Variants in SPPL3 observed in about 807,000 individuals in gnomAD.
SPPL3 encodes the protein signal peptide peptidase like 3.
In SPPL3, 5 loss-of-function variants were observed where a neutral mutation model predicts 42.4. The ratio of observed to expected loss-of-function variants is 0.12; its 90% CI spans 0.06 to 0.25. The LOEUF is 0.25. Among genes scored for constraint, SPPL3 ranks in the 10% least tolerant of loss-of-function variants. SPPL3 has a pLI of 1.00. For synonymous variants in SPPL3, 195 were observed against 181.8 expected, an observed-to-expected ratio of 1.07 and a Z score of -0.58; for missense variants, 235 against 489.0, an observed-to-expected ratio of 0.48 and a Z score of 4.90.
At chr12:120,829,445 A>C (rs1011116386) in intron 1 of SPPL3, among the ~76,000 whole-genome samples, 5 of 151,932 alleles carry the variant, frequency 3.3e-5, no homozygotes, top group African/African-American at 1.2e-4. Context: ...AAAATACAAA[A>C]ATTAGCCCGG....
At chr12:120,791,840 AG>A in intron 2 of SPPL3, 1 of 328,950 alleles carries the variant, frequency 3.0e-6, no homozygotes. Context: ...TTATGATAAA[AG>A]CCTAGAAGGA....
intron 1 of SPPL3, among the ~76,000 whole-genome samples, chr12:120,846,603 G>C (rs1236449641): frequency 6.6e-6 from 1 of 152,158 alleles, no homozygotes; most frequent in African/African-American, 2.4e-5. Flanking sequence ...TGCTATTTAA[G>C]AGTGGAAAGA....
chr12:120,887,216 G>C (rs546849996), intron 1 of SPPL3, among the ~76,000 whole-genome samples: 2 of 152,148 alleles, frequency 1.3e-5, no homozygotes, highest in South Asian at 2.1e-4. Flanking sequence ...TCAAAGTGCT[G>C]GGATTACAGG....
At chr12:120,841,167 A>T (rs1871815696) in intron 1 of SPPL3, among the ~76,000 whole-genome samples, 1 of 151,942 alleles carries the variant, frequency 6.6e-6, no homozygotes, top group Admixed American at 6.6e-5. Context: ...CTCTACTAAA[A>T]ATACAAAATT....
intron 1 of SPPL3, among the ~76,000 whole-genome samples, chr12:120,827,625 C>T (rs1871268324): frequency 6.6e-6 from 1 of 152,086 alleles, no homozygotes; most frequent in African/African-American, 2.4e-5. Context: ...AGAGGTCATG[C>T]TTTAAACCAT....
At chr12:120,846,743 G>A (rs1002314917) in intron 1 of SPPL3, among the ~76,000 whole-genome samples, 1 of 152,338 alleles carries the variant, frequency 6.6e-6, no homozygotes, top group South Asian at 2.1e-4. Flanking sequence ...TGGCAAAATG[G>A]AATAGAAGTA....
intron 1 of SPPL3, among the ~76,000 whole-genome samples, chr12:120,862,360 C>T (rs1872637966): frequency 6.6e-6 from 1 of 152,098 alleles, no homozygotes; most frequent in South Asian, 2.1e-4. Flanking sequence ...CCAAAGGTGT[C>T]ACAGGCCCTG....
At chr12:120,775,457 T>C (rs1431703617) in intron 6 of SPPL3, among the ~76,000 whole-genome samples, 1 of 152,196 alleles carries the variant, frequency 6.6e-6, no homozygotes, top group Non-Finnish European at 1.5e-5. Context: ...CGGTTGAGTG[T>C]AGCATTTTAA....
chr12:120,890,237 G>T lies in SPPL3; in HGVS notation c.23+13608C>A, dbSNP rs567604427. ...GCACTCCAGCCTGGACAACAAAAGC[G>T]AAATTCCATCCCAAAAAAATAAAAT... On this transcript the variant is annotated intron_variant, in intron 1 of 10. Transcript: ENST00000353487. Among the ~76,000 whole-genome samples, 49 of 150,842 alleles carry T rather than the reference G, an allele frequency of 3.2e-4. No homozygotes were observed. In the South Asian group the frequency reaches 6.7e-3, roughly 21 times the overall value.
intron 1 of SPPL3, among the ~76,000 whole-genome samples, chr12:120,867,935 C>CG (rs1872806399): frequency 6.6e-6 from 1 of 151,782 alleles, no homozygotes; most frequent in Non-Finnish European, 1.5e-5. Flanking sequence ...TTTGTAGAGA[C>CG]GGGGTTTCAC....
chr12:120,844,284 C>T (rs1351229854), intron 1 of SPPL3, among the ~76,000 whole-genome samples: 1 of 152,210 alleles, frequency 6.6e-6, no homozygotes, highest in African/African-American at 2.4e-5. Flanking sequence ...AACCCTTCCA[C>T]TTCTGTTTCC....
At chr12:120,809,487 G>A (rs1870610773) in intron 2 of SPPL3, among the ~76,000 whole-genome samples, 1 of 152,138 alleles carries the variant, frequency 6.6e-6, no homozygotes, top group Non-Finnish European at 1.5e-5. Flanking sequence ...ATATAACACT[G>A]CATAGTTAAA....
intron 1 of SPPL3, among the ~76,000 whole-genome samples, chr12:120,876,326 T>G (rs1873084428): frequency 6.6e-6 from 1 of 151,842 alleles, no homozygotes. Context: ...TATTTTGACT[T>G]GAATGGGCCA....
At chr12:120,852,329 TATTA>T (rs1270601085) in intron 1 of SPPL3, among the ~76,000 whole-genome samples, 2 of 146,504 alleles carry the variant, frequency 1.4e-5, no homozygotes, top group African/African-American at 5.0e-5. Context: ...TAATCATATA[TATTA>T]ATTTATATAT....
At chr12:120,796,028 C>T (rs1566044201) in intron 2 of SPPL3, among the ~76,000 whole-genome samples, 1 of 152,162 alleles carries the variant, frequency 6.6e-6, no homozygotes, top group Non-Finnish European at 1.5e-5. Context: ...GTGTATTTTT[C>T]ATCTCAGACA....
chr12:120,805,112 A>G (rs1348937223), intron 2 of SPPL3, among the ~76,000 whole-genome samples: 1 of 152,114 alleles, frequency 6.6e-6, no homozygotes, highest in East Asian at 1.9e-4. Flanking sequence ...AACTGGTACA[A>G]ATTTTCTTTT....
Position 120,783,840 on chromosome 12 carries a change from A to G in SPPL3, c.311-88T>C, listed in dbSNP as rs1711770174. ...AACTTCATTCCGCCAAACACTAGAC[A>G]AGTGGATACGGTTAATTGACTAGAG... On this transcript the variant is annotated intron_variant, in intron 4 of 10. Transcript: ENST00000353487. 7.3e-6 allele frequency: 8 copies of G among 1,097,454 alleles called. No homozygotes were observed. The Admixed American group carries it at 1.6e-4, about 23-fold the overall frequency. 68.0% of individuals were successfully genotyped at this position (1,097,454 alleles called of 1,614,324 possible).
chr12:120,852,727 T>TAA (rs1566060847), intron 1 of SPPL3, among the ~76,000 whole-genome samples: 2 of 45,082 alleles, frequency 4.4e-5, no homozygotes, highest in Admixed American at 3.7e-4. Context: ...ATTTTATATA[T>TAA]AATATACATA....
intron 1 of SPPL3, among the ~76,000 whole-genome samples, chr12:120,823,207 T>A (rs1279490960): frequency 2.5e-4 from 3 of 12,194 alleles, no homozygotes; most frequent in Non-Finnish European, 6.7e-4. Flanking sequence ...AGAGTGTGTG[T>A]GTGGGGGTGG....
Sources: gnomAD v4.1 joint callset for allele counts (sites outside exome capture counted in the v4.1 genomes callset) on GRCh38, gnomAD v4.1.1 for gene constraint, MANE v1.5 for transcripts, NCBI Gene and HGNC (gene_info 2026-07-23, HGNC 2026-07-21) for gene names.